Variants in TMEFF1 observed in about 807,000 individuals in gnomAD.
TMEFF1 encodes tomoregulin-1.
A neutral mutation model predicts 47.5 loss-of-function variants in TMEFF1; 20 were observed. The observed-to-expected ratio is 0.42, with a 90% confidence interval of 0.30 to 0.61. The LOEUF is 0.61. TMEFF1 is among the 20% of genes least tolerant of loss of function. The pLI is 0.19. For synonymous variants in TMEFF1, 162 were observed against 166.3 expected (o/e 0.97, Z 0.20); for missense variants, 411 against 471.1 (o/e 0.87, Z 1.18).
chr9:100,484,892 G>A (rs1025471898), intron 1 of TMEFF1, among the ~76,000 whole-genome samples: 1 of 151,802 alleles, frequency 6.6e-6, no homozygotes, highest in African/African-American at 2.4e-5. Flanking sequence ...GGCCAGGCTG[G>A]TCTCAAACTC....
chr9:100,482,531 A>G (rs190516702), intron 1 of TMEFF1, among the ~76,000 whole-genome samples: 1 of 152,268 alleles, frequency 6.6e-6, no homozygotes, highest in East Asian at 1.9e-4. Context: ...TACTGTCAGC[A>G]TTGGGCTTTT....
chr9:100,516,898 A>C, intron 5 of TMEFF1, 127 bp downstream of exon 5: 1 of 1,090,594 alleles, frequency 9.2e-7, no homozygotes, highest in African/African-American at 1.6e-5. Context: ...TTTTTGTTTA[A>C]TGCTAGTCTA....
chr9:100,530,283 T>A (rs902832122), intron 5 of TMEFF1, among the ~76,000 whole-genome samples: 1 of 151,932 alleles, frequency 6.6e-6, no homozygotes, highest in Non-Finnish European at 1.5e-5. Context: ...TTCAAAAAAT[T>A]AATGAATCCA....
At chr9:100,575,151 A>C (rs371542469) in intron 9 of TMEFF1, among the ~76,000 whole-genome samples, 1 of 152,156 alleles carries the variant, frequency 6.6e-6, no homozygotes, top group Non-Finnish European at 1.5e-5. Flanking sequence ...GTTTTTAAGT[A>C]TCTCTCCCAC....
chr9:100,565,400 T>G (rs1242488014), intron 8 of TMEFF1, among the ~76,000 whole-genome samples: 1 of 152,162 alleles, frequency 6.6e-6, no homozygotes, highest in Non-Finnish European at 1.5e-5. Context: ...AAAACTGTAG[T>G]CCTGGTTCCT....
At chr9:100,501,012 G>A (rs966712445) in intron 2 of TMEFF1, among the ~76,000 whole-genome samples, 6 of 152,110 alleles carry the variant, frequency 3.9e-5, no homozygotes, top group South Asian at 2.1e-4. Context: ...GAGTTTATAC[G>A]CGGAAACTGG....
chr9:100,541,539 A>G (rs953997835), intron 5 of TMEFF1, among the ~76,000 whole-genome samples: 1 of 151,588 alleles, frequency 6.6e-6, no homozygotes, highest in Non-Finnish European at 1.5e-5. Flanking sequence ...ACACCCAACT[A>G]ATTTTTTGTG....
intron 1 of TMEFF1, among the ~76,000 whole-genome samples, chr9:100,479,098 C>G (rs927515377): frequency 2.0e-5 from 3 of 152,130 alleles, no homozygotes; most frequent in Non-Finnish European, 4.4e-5. Flanking sequence ...GTGAGTTTTT[C>G]TAATTAATGG....
chr9:100,503,611 C>T (rs1837806668), intron 2 of TMEFF1, among the ~76,000 whole-genome samples: 2 of 151,856 alleles, frequency 1.3e-5, no homozygotes, highest in South Asian at 4.1e-4. Flanking sequence ...AAGGAATTAG[C>T]TCATTTGATT....
chr9:100,530,296 A>T (rs1384332933), intron 5 of TMEFF1, among the ~76,000 whole-genome samples: 1 of 152,188 alleles, frequency 6.6e-6, no homozygotes, highest in Non-Finnish European at 1.5e-5. Context: ...TGAATCCAGG[A>T]GCTGGTTTTT....
chr9:100,547,292 A>G lies in TMEFF1; in HGVS notation c.561-452A>G, dbSNP rs1838752918. On this transcript the variant is annotated intron_variant, in intron 5 of 9. Transcript: ENST00000374879. ...TGGCCTCCCGAAGTGTTGGGATTAC[A>G]GTCATGAGCCATCATGCCTGGCCAT... is the stretch of plus-strand genomic sequence containing the variant. Among the ~76,000 whole-genome samples, 4 of 152,288 alleles carry G rather than the reference A, an allele frequency of 2.6e-5. No homozygotes were observed. The South Asian group carries it at 8.3e-4, about 32-fold the overall frequency.
intron 3 of TMEFF1, 86 bp downstream of exon 3, chr9:100,509,220 C>T: frequency 7.2e-7 from 1 of 1,391,218 alleles, no homozygotes; most frequent in Non-Finnish European, 9.3e-7. Flanking sequence ...GGTATATTTC[C>T]ACAACTGCTG....
intron 5 of TMEFF1, among the ~76,000 whole-genome samples, chr9:100,525,624 T>C (rs1035260076): frequency 3.3e-5 from 5 of 151,898 alleles, no homozygotes; most frequent in Non-Finnish European, 7.4e-5. Context: ...GGTTAACTCA[T>C]TGGTCATTGG....
intron 1 of TMEFF1, among the ~76,000 whole-genome samples, chr9:100,480,821 G>A (rs1184133669): frequency 6.6e-6 from 1 of 152,190 alleles, no homozygotes; most frequent in Non-Finnish European, 1.5e-5. Context: ...TTGGTTAATA[G>A]ATCAATGATC....
intron 6 of TMEFF1, among the ~76,000 whole-genome samples, chr9:100,548,797 A>G (rs1391773889): frequency 6.6e-6 from 1 of 152,212 alleles, no homozygotes; most frequent in Non-Finnish European, 1.5e-5. Flanking sequence ...TAAACTACCA[A>G]AGAATACCCA....
At position 100,508,950 on chromosome 9, in the gene TMEFF1, T is replaced by C; in HGVS notation, c.307-55T>C. ...TGGTATTGCATTCATGAATGTGAAA[T>C]AAACTATTAATATTCATGCCTAGTT... On this transcript the variant is annotated intron_variant, in intron 2 of 9. Coordinates refer to ENST00000374879, the MANE Select transcript of TMEFF1 (RefSeq NM_003692.5). 6 of 1,459,874 alleles carry C rather than the reference T, an allele frequency of 4.1e-6. No homozygotes were observed. The South Asian group carries it at 7.9e-5, about 19-fold the overall frequency. 90.4% of individuals were successfully genotyped at this position (1,459,874 alleles called of 1,614,324 possible). A position where few individuals can be genotyped will look rare whatever the true frequency, so the allele number is the denominator to read the frequency against.
chr9:100,551,717 A>G (rs1838829861), intron 7 of TMEFF1, among the ~76,000 whole-genome samples: 1 of 152,230 alleles, frequency 6.6e-6, no homozygotes, highest in Non-Finnish European at 1.5e-5. Flanking sequence ...CCTAATTTAT[A>G]CTGGTCATTT....
In TMEFF1 at chr9:100,498,776, A is replaced by G; in HGVS notation, c.208A>G (p.Arg70Gly). ...KSINCSELNVRESDVRVCDES... is the reference protein window; with the variant it reads ...KSINCSELNVGESDVRVCDES... ...TTTTTCTTTTGCAGAATTAAATGTG[A>G]GGGAGTCTGACGTAAGAGTTTGTGA... The change falls in exon 2 of 10, where the codon AGG (arginine) becomes GGG (glycine). Residue 70 changes from arginine (R) to glycine (G), a missense_variant. By Grantham distance (125) the Arg-to-Gly change is moderately radical (BLOSUM62 -2). Transcript: ENST00000374879. The G allele has an allele frequency of 6.2e-7, 1 of 1,612,324 alleles. No homozygotes were observed. Among genetic ancestry groups the G allele is most frequent in the South Asian group, 1.1e-5 (1 of 90,712 alleles).
intron 5 of TMEFF1, 78 bp downstream of exon 5, chr9:100,516,849 T>G (rs1157813714): frequency 6.6e-7 from 1 of 1,514,886 alleles, no homozygotes; most frequent in Non-Finnish European, 8.8e-7. Flanking sequence ...AAGGTATCAT[T>G]TACCTGGTTC....
Sources: allele counts gnomAD v4.1 joint callset (sites outside exome capture counted in the v4.1 genomes callset), GRCh38; gene constraint gnomAD v4.1.1; transcripts MANE v1.5; gene names NCBI Gene and HGNC (gene_info 2026-07-23, HGNC 2026-07-21).